WWOX: variants seen among roughly 807,000 people sequenced by gnomAD.
WWOX encodes the protein WW domain containing oxidoreductase, also known as WW domain-containing oxidoreductase.
WWOX carries 69 observed loss-of-function variants against 46.2 expected under a neutral mutation model. The ratio of observed to expected loss-of-function variants is 1.49; its 90% CI spans 1.23 to 1.82. The LOEUF is 1.82. WWOX is among the 40% of genes most tolerant of loss of function. WWOX has a pLI of 0.00. For missense variants in WWOX, 919 were observed against 542.6 expected, an observed-to-expected ratio of 1.69 and a Z score of -6.89; for synonymous variants, 359 against 202.6, an observed-to-expected ratio of 1.77 and a Z score of -6.56.
intron 8 of WWOX, among the ~76,000 whole-genome samples, chr16:78,789,224 A>G (rs2050532214): frequency 6.6e-6 from 1 of 152,150 alleles, no homozygotes; most frequent in Non-Finnish European, 1.5e-5. Context: ...GGTTTCAGAA[A>G]AGAGTTTTTC....
At position 78,516,630 on chromosome 16, in the gene WWOX, A is replaced by G. The variant is rs75567424; in HGVS notation, c.1056+83878A>G. ...CCATCGTTCTCCATTTTGCACGTGT[A>G]TTGTCTCCTCCTATTCCTCTGTACC... is the stretch of plus-strand genomic sequence containing the variant. On this transcript the variant is annotated intron_variant, in intron 8 of 8. Transcript: ENST00000566780. 1.1e-4 allele frequency among the ~76,000 whole-genome samples: 16 copies of G among 152,242 alleles called. No homozygotes were observed. The East Asian group carries it at 3.1e-3, about 29-fold the overall frequency.
At chr16:78,680,628 T>C (rs977787595) in intron 8 of WWOX, among the ~76,000 whole-genome samples, 1 of 152,150 alleles carries the variant, frequency 6.6e-6, no homozygotes, top group Non-Finnish European at 1.5e-5. Flanking sequence ...AAATTTTAAA[T>C]AAAATTAAAG....
At chr16:78,438,740 G>A (rs962884453) in intron 8 of WWOX, among the ~76,000 whole-genome samples, 1 of 152,122 alleles carries the variant, frequency 6.6e-6, no homozygotes, top group South Asian at 2.1e-4. Context: ...CTTCTGCGAC[G>A]ATCGGGTTAC....
At chr16:78,378,898 ATGT>A (rs1276440904) in intron 5 of WWOX, among the ~76,000 whole-genome samples, 8 of 152,218 alleles carry the variant, frequency 5.3e-5, no homozygotes, top group African/African-American at 1.9e-4. Context: ...TATATAGATG[ATGT>A]TAATTTCTTC....
intron 8 of WWOX, among the ~76,000 whole-genome samples, chr16:79,127,733 A>T (rs539535974): frequency 1.3e-5 from 2 of 152,252 alleles, no homozygotes; most frequent in East Asian, 1.9e-4. Context: ...CCCACTAAGC[A>T]ACATACGACA....
At chr16:78,702,007 TTATA>T (rs869227421) in intron 8 of WWOX, among the ~76,000 whole-genome samples, 2,197 of 57,526 alleles carry the variant, frequency 0.038, 55 homozygotes, top group East Asian at 0.054. Flanking sequence ...CTACATAAAA[TTATA>T]TATATATATA....
intron 8 of WWOX, among the ~76,000 whole-genome samples, chr16:78,871,619 G>A (rs183055153): frequency 2.0e-5 from 3 of 152,174 alleles, no homozygotes; most frequent in Non-Finnish European, 2.9e-5. Context: ...AGGCTCTAGA[G>A]AAATGGCTAT....
chr16:78,248,393 A>C (rs891183775), intron 5 of WWOX, among the ~76,000 whole-genome samples: 1 of 152,220 alleles, frequency 6.6e-6, no homozygotes, highest in Non-Finnish European at 1.5e-5. Flanking sequence ...ATCTGTCCGC[A>C]TGATCTAATC....
chr16:79,065,020 G>A lies in WWOX; in HGVS notation c.1057-146588G>A, dbSNP rs76126188. 1.4e-4 allele frequency among the ~76,000 whole-genome samples: 22 copies of A among 152,222 alleles called. No individual in the cohort carries two copies. In the East Asian group the frequency reaches 3.5e-3, roughly 24 times the overall value. On this transcript the variant is annotated intron_variant, in intron 8 of 8. Transcript: ENST00000566780. ...AGGGTGAATGGGTTGCTGGGAGTTCGTCGGTTGTTTAGGGAAGCACTTACG... is the reference window on the plus strand; with the variant it reads ...AGGGTGAATGGGTTGCTGGGAGTTCATCGGTTGTTTAGGGAAGCACTTACG...
chr16:78,519,888 A>G (rs946585043), intron 8 of WWOX, among the ~76,000 whole-genome samples: 1 of 152,154 alleles, frequency 6.6e-6, no homozygotes, highest in East Asian at 1.9e-4. Context: ...AAGTTATACT[A>G]TTTTGGGATC....
intron 8 of WWOX, among the ~76,000 whole-genome samples, chr16:78,954,040 A>G (rs1473009954): frequency 6.6e-6 from 1 of 152,214 alleles, no homozygotes; most frequent in East Asian, 1.9e-4. Flanking sequence ...CCTCTTCCAT[A>G]GCAACACATG....
intron 8 of WWOX, chr16:79,203,232 G>A (rs562450208): frequency 6.6e-6 from 1 of 152,266 alleles, no homozygotes; most frequent in African/African-American, 2.4e-5. Context: ...TAATATAAAT[G>A]AGACACTCTC....
intron 8 of WWOX, among the ~76,000 whole-genome samples, chr16:78,813,236 G>T (rs754987928): frequency 6.6e-6 from 1 of 151,970 alleles, no homozygotes; most frequent in Non-Finnish European, 1.5e-5. Context: ...TCACAGAGAT[G>T]TTTTAGGTCA....
intron 8 of WWOX, among the ~76,000 whole-genome samples, chr16:78,864,357 C>G (rs979560436): frequency 5.3e-5 from 8 of 151,642 alleles, no homozygotes; most frequent in African/African-American, 1.9e-4. Flanking sequence ...GCCTCGATCT[C>G]CTGGGGCTCA....
Position 78,792,245 on chromosome 16 carries a change from C to G in WWOX, c.1056+359493C>G, listed in dbSNP as rs113457139. On this transcript the variant is annotated intron_variant, in intron 8 of 8. Coordinates refer to ENST00000566780, the MANE Select transcript of WWOX (RefSeq NM_016373.4). ...TGCATTGCTCTGCTCATCTTTCTCACGAGTCTGGCAATGGGGCTGGGAATG... is the reference window on the plus strand; with the variant it reads ...TGCATTGCTCTGCTCATCTTTCTCAGGAGTCTGGCAATGGGGCTGGGAATG... 5.1e-3 allele frequency among the ~76,000 whole-genome samples: 783 copies of G among 152,294 alleles called. 4 individuals are homozygous for G. The highest frequency in any genetic ancestry group is 0.024 in the Middle Eastern group (7 of 294).
At chr16:78,163,133 A>G (rs1157019831) in intron 4 of WWOX, among the ~76,000 whole-genome samples, 1 of 152,006 alleles carries the variant, frequency 6.6e-6, no homozygotes, top group African/African-American at 2.4e-5. Context: ...TTCTTTTTGT[A>G]TGCTTAGCTA....
chr16:78,607,669 A>G (rs904098294), intron 8 of WWOX, among the ~76,000 whole-genome samples: 1 of 143,936 alleles, frequency 6.9e-6, no homozygotes, highest in Non-Finnish European at 1.5e-5. Flanking sequence ...GGCTGTCTAC[A>G]GAGAAGGAGG....
At chr16:78,966,789 G>A (rs1037068190) in intron 8 of WWOX, among the ~76,000 whole-genome samples, 2 of 152,236 alleles carry the variant, frequency 1.3e-5, no homozygotes, top group African/African-American at 4.8e-5. Flanking sequence ...AATCACATGT[G>A]CCAACTGTTC....
chr16:78,816,952 C>T (rs952608612), intron 8 of WWOX, among the ~76,000 whole-genome samples: 2 of 152,032 alleles, frequency 1.3e-5, no homozygotes, highest in African/African-American at 4.8e-5. Flanking sequence ...TAGACAGAAA[C>T]AAACAAGTAA....
Sources: allele counts gnomAD v4.1 joint callset (sites outside exome capture counted in the v4.1 genomes callset), GRCh38; gene constraint gnomAD v4.1.1; transcripts MANE v1.5; gene names NCBI Gene and HGNC (gene_info 2026-07-23, HGNC 2026-07-21).